PSMG4: variants seen among roughly 807,000 people sequenced by gnomAD.
The protein encoded by PSMG4 is proteasome assembly chaperone 4, also known as proteasome (prosome, macropain) assembly chaperone 4.
PSMG4 carries 10 observed loss-of-function variants against 11.0 expected under a neutral mutation model. That is an observed-to-expected ratio of 0.91 (90% CI 0.56 to 1.54). PSMG4 has a LOEUF of 1.54. PSMG4 is among the 40% of genes most tolerant of loss of function. PSMG4 has a pLI of 0.00. For synonymous variants in PSMG4, 95 were observed against 71.3 expected, an observed-to-expected ratio of 1.33 and a Z score of -1.68; for missense variants, 198 against 160.9, an observed-to-expected ratio of 1.23 and a Z score of -1.25.
rs1444306705 is a variant in PSMG4 at position 3,264,299 on chromosome 6, C to A, written c.250+540C>A. On this transcript the variant is annotated intron_variant, in intron 2 of 2. Coordinates refer to ENST00000438998, the MANE Select transcript of PSMG4 (RefSeq NM_001128591.2). Reference sequence around the variant, plus strand: ...GAGGCTGAATGCTCCACTCTTCCCACACCCCAACACACTTCCTGTGGGCCA... The same window carrying A: ...GAGGCTGAATGCTCCACTCTTCCCAAACCCCAACACACTTCCTGTGGGCCA... 3 of 1,551,168 alleles carry A rather than the reference C, an allele frequency of 1.9e-6. No individual in the cohort carries two copies. The highest frequency in any genetic ancestry group is 2.6e-6 in the Non-Finnish European group (3 of 1,146,584).
intron 1 of PSMG4, among the ~76,000 whole-genome samples, chr6:3,260,015 C>G (rs529276277): frequency 6.6e-6 from 1 of 152,274 alleles, no homozygotes; most frequent in South Asian, 2.1e-4. Flanking sequence ...TTATAGCTCA[C>G]TGTCACCTCA....
At chr6:3,254,472 G>A (rs772416083), upstream of PSMG4, among the ~76,000 whole-genome samples, 9 of 151,908 alleles carry the variant, frequency 5.9e-5, no homozygotes, top group South Asian at 2.1e-4. Flanking sequence ...TGTCTTTTTA[G>A]ATAAATATTG....
At chr6:3,255,535 T>C (rs1391839503), upstream of PSMG4, among the ~76,000 whole-genome samples, 1 of 152,208 alleles carries the variant, frequency 6.6e-6, no homozygotes, top group Non-Finnish European at 1.5e-5. Context: ...TGAGTCTGTA[T>C]AGACTCCAAC....
Position 3,261,371 on chromosome 6 carries a change from G to A in PSMG4, c.174+2175G>A, listed in dbSNP as rs1757984867. The stretch of plus-strand genomic sequence containing the variant: ...ACCTCGCATTCTCTCTTTATCCCAA[G>A]GCATAGTGGGCAGGGCTTTGGGCAC... On this transcript the variant is annotated intron_variant, in intron 1 of 2. Transcript: ENST00000438998. 2.0e-5 allele frequency among the ~76,000 whole-genome samples: 3 copies of A among 152,126 alleles called. No homozygotes were observed. In the South Asian group the frequency reaches 6.2e-4, roughly 32 times the overall value.
rs763515915 is a variant in PSMG4, at chr6:3,258,995, C to T, written c.-28C>T. The T allele has an allele frequency of 5.8e-5, 72 of 1,239,840 alleles. No homozygotes were observed. The highest frequency in any genetic ancestry group is 6.8e-5 in the Non-Finnish European group (67 of 991,414). 76.8% of individuals were successfully genotyped at this position (1,239,840 alleles called of 1,614,324 possible). A position where few individuals can be genotyped will look rare whatever the true frequency, so the allele number is the denominator to read the frequency against. On this transcript the variant is annotated 5_prime_UTR_variant, in exon 1 of 3. Transcript: ENST00000438998. ...GGCAGCGGCGAGGACCCGGGTCTGG[C>T]GCTGTGGGCCGGGAGCCGTGGGGCG... is the stretch of plus-strand genomic sequence containing the variant.
Position 3,259,206 on chromosome 6 carries a change from T to A in PSMG4, c.174+10T>A. On this transcript the variant is annotated intron_variant, in intron 1 of 2. Coordinates refer to ENST00000438998, the MANE Select transcript of PSMG4 (RefSeq NM_001128591.2). ...CATGTGCAGCCGCTACGTGAGTGCC[T>A]GGCGGCCGAGGGTGCGGGCGGCGGG... 7.9e-7 allele frequency: 1 copy of A among 1,260,620 alleles called. No homozygotes were observed. 78.1% of individuals were successfully genotyped at this position (1,260,620 alleles called of 1,614,324 possible).
upstream of PSMG4, among the ~76,000 whole-genome samples, chr6:3,258,173 TGG>T (rs1757829916): frequency 1.4e-5 from 1 of 73,720 alleles, no homozygotes; most frequent in Non-Finnish European, 4.7e-5. Flanking sequence ...GGTATGACAA[TGG>T]GATGATTGGA....
rs1405922220 is a variant in PSMG4, at chr6:3,267,578, TTTCTC to T, written c.251-10_251-6del. On this transcript the variant is annotated splice_polypyrimidine_tract_variant and splice_region_variant and intron_variant, in intron 2 of 2. Coordinates refer to ENST00000438998, the MANE Select transcript of PSMG4 (RefSeq NM_001128591.2). ...TTCAGGAGTGGCTGTATCAATGTGT[TTTCTC>T]TTTTTAGCCAGGAAGACCAACAAAC... 1 of 1,550,852 alleles carries T rather than the reference TTTCTC, an allele frequency of 6.4e-7. No individual in the cohort carries two copies. The highest frequency in any genetic ancestry group is 8.7e-7 in the Non-Finnish European group (1 of 1,146,444).
chr6:3,255,010 G>A (rs1757703431), upstream of PSMG4: 6 of 1,543,992 alleles, frequency 3.9e-6, no homozygotes, highest in South Asian at 4.8e-5. Context: ...ACTCCCATGT[G>A]GGAGCGCTGG....
intron 1 of PSMG4, among the ~76,000 whole-genome samples, chr6:3,260,333 C>T (rs950829185): frequency 1.6e-5 from 2 of 128,968 alleles, no homozygotes; most frequent in East Asian, 4.8e-4. Flanking sequence ...GCTCTGTCGC[C>T]CAGGCTGGAG....
At chr6:3,255,127 G>GT, upstream of PSMG4, 1 of 1,551,044 alleles carries the variant, frequency 6.4e-7, no homozygotes, top group Non-Finnish European at 8.7e-7. Context: ...AGCTTACCAC[G>GT]TATTGGTCAT....
At chr6:3,255,415 C>G (rs146667633), upstream of PSMG4, among the ~76,000 whole-genome samples, 1 of 151,408 alleles carries the variant, frequency 6.6e-6, no homozygotes, top group Non-Finnish European at 1.5e-5. Context: ...TTTCACACTT[C>G]GTGGACACTC....
At chr6:3,255,181 T>C (rs944171102), upstream of PSMG4, 14 of 1,550,538 alleles carry the variant, frequency 9.0e-6, no homozygotes, top group African/African-American at 6.8e-5. Context: ...ACATGTGCGC[T>C]CTGGTGGAAG....
upstream of PSMG4, chr6:3,255,310 G>A (rs1757723672): frequency 1.3e-6 from 2 of 1,513,644 alleles, no homozygotes; most frequent in Non-Finnish European, 1.8e-6. Context: ...GAGAGTGGTG[G>A]ATGAGGCTAA....
upstream of PSMG4, among the ~76,000 whole-genome samples, chr6:3,256,149 G>GT (rs752977678): frequency 2.0e-5 from 3 of 152,202 alleles, no homozygotes; most frequent in Non-Finnish European, 4.4e-5. Context: ...ATGGAATACT[G>GT]TTTTTGACAT....
At chr6:3,255,038 AT>A (rs528094237), upstream of PSMG4, 85 of 1,549,782 alleles carry the variant, frequency 5.5e-5, no homozygotes, top group East Asian at 1.8e-3. Flanking sequence ...GCGCTTTCTG[AT>A]TCTCTGGACA....
upstream of PSMG4, chr6:3,255,131 T>C (rs944286883): frequency 9.7e-6 from 15 of 1,550,970 alleles, no homozygotes; most frequent in Non-Finnish European, 1.2e-5. Context: ...TACCACGTAT[T>C]GGTCATTCTC....
At chr6:3,267,399 G>C in intron 2 of PSMG4, 192 bp from the exon 3 acceptor site, 2 of 479,306 alleles carry the variant, frequency 4.2e-6, no homozygotes, top group Non-Finnish European at 7.2e-6. Flanking sequence ...CTGGTGGAGA[G>C]ACTGGGAGAG....
chr6:3,265,327 C>T (rs1195851071), intron 2 of PSMG4: 1 of 152,196 alleles, frequency 6.6e-6, no homozygotes, highest in Non-Finnish European at 1.5e-5. Context: ...GAATCAGTAT[C>T]TTATATGAGA....
Sources: gnomAD v4.1 joint callset for allele counts (sites outside exome capture counted in the v4.1 genomes callset) on GRCh38, gnomAD v4.1.1 for gene constraint, MANE v1.5 for transcripts, NCBI Gene and HGNC (gene_info 2026-07-23, HGNC 2026-07-21) for gene names.